Variants in KCND1 observed in about 807,000 individuals in gnomAD.
KCND1 encodes the protein potassium voltage-gated channel subfamily D member 1.
KCND1 carries 11 observed loss-of-function variants against 31.8 expected under a neutral mutation model. The observed-to-expected ratio is 0.35, with a 90% confidence interval of 0.22 to 0.57. KCND1 has a LOEUF of 0.57. KCND1 is among the 20% of genes least tolerant of loss of function. The pLI is 0.85. For missense variants in KCND1, 471 were observed against 596.8 expected, an observed-to-expected ratio of 0.79 and a Z score of 2.20; for synonymous variants, 234 against 248.1, an observed-to-expected ratio of 0.94 and a Z score of 0.53.
In KCND1 at chrX:48,966,152, C is replaced by T. The variant is rs879962772; in HGVS notation, c.1621G>A (p.Ala541Thr). 1.2e-5 allele frequency: 14 copies of T among 1,209,399 alleles called. No homozygotes were observed. The highest frequency in any genetic ancestry group is 5.3e-5 in the South Asian group (3 of 56,688). ...SCCPRRAKRR[A>T]IRLANSTASV... ...GCAGTGGAGTTGGCAAGGCGGATGGCGCGGCGCTTGGCCCTGCGAGGGCAG... is the reference window on the plus strand; with the variant it reads ...GCAGTGGAGTTGGCAAGGCGGATGGTGCGGCGCTTGGCCCTGCGAGGGCAG... The change falls in exon 5 of 6, where the codon GCC (alanine) becomes ACC (threonine). Residue 541 changes from alanine to threonine, a missense_variant. By Grantham distance (58) the Ala-to-Thr change is moderately conservative (BLOSUM62 0). Coordinates refer to ENST00000218176, the MANE Select transcript of KCND1 (RefSeq NM_004979.6).
chrX:48,966,002 G>C, intron 5 of KCND1, 53 bp downstream of exon 5: 1 of 1,173,002 alleles, frequency 8.5e-7, no homozygotes, highest in Middle Eastern at 2.8e-4. Context: ...AGAGCTACTG[G>C]TCTAAGCTCT....
chrX:48,966,606 T>A lies in KCND1; in HGVS notation c.1439A>T (p.His480Leu). 1 of 1,208,975 alleles carries A rather than the reference T, an allele frequency of 8.3e-7. No individual in the cohort carries two copies. Among genetic ancestry groups the A allele is most frequent in the Non-Finnish European group, 1.1e-6 (1 of 893,737 alleles). Residue 480 changes from histidine to leucine, a missense_variant, in exon 4 of 6, where the codon CAC (histidine) becomes CTC (leucine). Transcript: ENST00000218176. ...TGTCTTCTCTAGACAGTGCAGCAAG[T>A]GGTGATGTTGCTGTTCAAAGGCAGA... is the stretch of plus-strand genomic sequence containing the variant. ...NRSAFEQQHHHLLHCLEKTTC... is the reference protein window; with the variant it reads ...NRSAFEQQHHLLLHCLEKTTC...
In KCND1 at chrX:48,962,520, A is replaced by T; in HGVS notation, c.*61T>A. The T allele has an allele frequency of 8.7e-6, 8 of 917,500 alleles. No homozygotes were observed. The highest frequency in any genetic ancestry group is 1.2e-5 in the Non-Finnish European group (8 of 658,670). 75.6% of individuals were successfully genotyped at this position (917,500 alleles called of 1,213,427 possible). A position where few individuals can be genotyped will look rare whatever the true frequency, so the allele number is the denominator to read the frequency against. On this transcript the variant is annotated 3_prime_UTR_variant, in exon 6 of 6. Transcript: ENST00000218176. ...CTGCCCCTCTCTGCCTCCCAAAAATATGGCTTTGGAAAGGAGTTCCCAAAA... is the reference window on the plus strand; with the variant it reads ...CTGCCCCTCTCTGCCTCCCAAAAATTTGGCTTTGGAAAGGAGTTCCCAAAA...
rs782678444 is a variant in KCND1 at position 48,962,472 on chromosome X, G to C, written c.*109C>G. 302 of 510,006 alleles carry C rather than the reference G, an allele frequency of 5.9e-4. No homozygotes were observed. Among genetic ancestry groups the C allele is most frequent in the Non-Finnish European group, 6.6e-4 (199 of 301,782 alleles). The allele number at this position is 510,006 out of a possible 1,213,427, so 42.0% of individuals were successfully genotyped here. ...ACTCCATTGCATAGTTCTCAGTGGG[G>C]GGGGCAGAAGGGGTGCCCAAGCCTG... On this transcript the variant is annotated 3_prime_UTR_variant, in exon 6 of 6. Coordinates refer to ENST00000218176, the MANE Select transcript of KCND1 (RefSeq NM_004979.6).
rs1346292633 is a variant in KCND1 at position 48,961,442 on chromosome X, ATGGGGACAGTGC to A, written c.*1127_*1138del. 2.7e-5 allele frequency: 3 copies of A among 112,727 alleles called. No homozygotes were observed. Among genetic ancestry groups the A allele is most frequent in the Non-Finnish European group, 5.6e-5 (3 of 53,346 alleles). 9.3% of individuals were successfully genotyped at this position (112,727 alleles called of 1,213,427 possible). On this transcript the variant is annotated 3_prime_UTR_variant, in exon 6 of 6. Coordinates refer to ENST00000218176, the MANE Select transcript of KCND1 (RefSeq NM_004979.6). ...TACATCTTTGTCAGCCACCAGCTCC[ATGGGGACAGTGC>A]TGGGGACAGGGAACCTGAGATGATG... is the stretch of plus-strand genomic sequence containing the variant.
intron 5 of KCND1, among the ~76,000 whole-genome samples, chrX:48,964,991 C>A (rs1176950942): frequency 1.3e-4 from 12 of 89,061 alleles, no homozygotes; most frequent in Non-Finnish European, 2.6e-4. Flanking sequence ...CACTGCACTG[C>A]AGCCTAGCAA....
chrX:48,961,422 C>A lies in KCND1; in HGVS notation c.*1159G>T, dbSNP rs2064318888. 1.8e-5 allele frequency: 2 copies of A among 112,523 alleles called. No homozygotes were observed. The highest frequency in any genetic ancestry group is 7.3e-4 in the South Asian group (2 of 2,750). 9.3% of individuals were successfully genotyped at this position (112,523 alleles called of 1,213,427 possible). On this transcript the variant is annotated 3_prime_UTR_variant, in exon 6 of 6. Transcript: ENST00000218176. Reference sequence around the variant, plus strand: ...TTTTATTGACTGATGGAAACTACATCTTTGTCAGCCACCAGCTCCATGGGG... The same window carrying A: ...TTTTATTGACTGATGGAAACTACATATTTGTCAGCCACCAGCTCCATGGGG...
Position 48,970,053 on chromosome X carries a change from G to A in KCND1, c.219C>T (p.Phe73=). 8.3e-7 allele frequency: 1 copy of A among 1,210,851 alleles called. No individual in the cohort carries two copies. The change falls in exon 1 of 6, where the codon TTC becomes TTT. Residue 73 remains phenylalanine (F), a synonymous_variant. Coordinates refer to ENST00000218176, the MANE Select transcript of KCND1 (RefSeq NM_004979.6). ...DTLLGSSEKE[F]FYDADSGEYF... ...ACTCGCCTGAGTCAGCATCGTAGAAGAATTCCTTCTCCGAGCTGCCCAGCA... is the reference window on the plus strand; with the variant it reads ...ACTCGCCTGAGTCAGCATCGTAGAAAAATTCCTTCTCCGAGCTGCCCAGCA...
Position 48,962,715 on chromosome X carries a change from G to A in KCND1, c.1810C>T (p.Pro604Ser). ...CTCTCATCTGGGGTGTTGGCAGGAG[G>A]GGTAGGGATGCTGATAATGGCAGCC... ...FVAAIISIPT[P>S]PANTPDESQP... Residue 604 changes from proline (P) to serine (S), a missense_variant, in exon 6 of 6, where the codon CCT becomes TCT. Around this residue, in one of 3 missense-constraint regions of KCND1, gnomAD observed 185 missense variants for 184.7 expected, o/e 1.00. Coordinates refer to ENST00000218176, the MANE Select transcript of KCND1 (RefSeq NM_004979.6). The A allele has an allele frequency of 8.3e-7, 1 of 1,210,797 alleles. No homozygotes were observed. The highest frequency in any genetic ancestry group is 1.1e-6 in the Non-Finnish European group (1 of 894,888).
Position 48,969,547 on chromosome X carries a change from AAT to A in KCND1, c.723_724del (p.Phe242HisfsTer3). ...CAGCCGCAGGAGGTATTCACCTGTG[AAT>A]ATGAGTACACAGGCTGTGTCCATGC... On this transcript the variant is annotated frameshift_variant, in exon 1 of 6. Transcript: ENST00000218176. LOFTEE classifies it high-confidence loss of function. 3.3e-6 allele frequency: 4 copies of A among 1,210,839 alleles called. No individual in the cohort carries two copies. The highest frequency in any genetic ancestry group is 4.5e-6 in the Non-Finnish European group (4 of 894,932).
chrX:48,967,652 T>C (rs1268960111), intron 1 of KCND1: 2 of 110,463 alleles, frequency 1.8e-5, no homozygotes, highest in African/African-American at 6.8e-5. Context: ...CTTACTAACT[T>C]GTTCACAGAG....
At position 48,966,675 on chromosome X, in the gene KCND1, T is replaced by C; in HGVS notation, c.1370A>G (p.Asp457Gly). ...AGCCTGTTCCTCGCCACTGCCGCTG[T>C]CCTGGAGTAGATGGAGCAGAGCGAT... ...LQYKQNGGLEDSGSGEEQALC... is the reference protein window; with the variant it reads ...LQYKQNGGLEGSGSGEEQALC... Residue 457 changes from aspartate to glycine, a missense_variant and splice_region_variant, in exon 4 of 6, where the codon GAC becomes GGC. Transcript: ENST00000218176. 1.7e-6 allele frequency: 2 copies of C among 1,209,274 alleles called. No individual in the cohort carries two copies. The highest frequency in any genetic ancestry group is 2.2e-6 in the Non-Finnish European group (2 of 894,060).
intron 5 of KCND1, among the ~76,000 whole-genome samples, chrX:48,963,138 CA>C (rs1318796444): frequency 2.1e-3 from 100 of 48,095 alleles, no homozygotes; most frequent in Non-Finnish European, 2.1e-3. Context: ...TCTGTCTCAA[CA>C]AAAAAAAAAA....
intron 5 of KCND1, among the ~76,000 whole-genome samples, chrX:48,964,471 G>A (rs1307353404): frequency 4.6e-5 from 5 of 109,597 alleles, no homozygotes; most frequent in Non-Finnish European, 7.6e-5. Context: ...AGCCAAGATC[G>A]CGCCACCGCA....
chrX:48,961,711 C>T lies in KCND1; in HGVS notation c.*870G>A, dbSNP rs1413037680. 1.8e-5 allele frequency: 2 copies of T among 112,108 alleles called. No homozygotes were observed. Among genetic ancestry groups the T allele is most frequent in the African/African-American group, 6.5e-5 (2 of 30,707 alleles). The allele number at this position is 112,108 out of a possible 1,213,427, so 9.2% of individuals were successfully genotyped here. On this transcript the variant is annotated 3_prime_UTR_variant, in exon 6 of 6. Transcript: ENST00000218176. ...ATACAGCCCAGCTCTTGCTGGTTGC[C>T]AGGCTCTTATCTCAGCCAGTCCAGA...
In KCND1 at chrX:48,966,225, G is replaced by A; in HGVS notation, c.1548C>T (p.Thr516=). The part of the protein sequence containing the change: ...VSPGGRTSRS[T]SVSSQPVGPG... ...GTCCCACTGGCTGGGAAGACACAGA[G>A]GTGCTACGGCTGGTGCGGCCACCCG... The change falls in exon 5 of 6, where the codon ACC becomes ACT. Residue 516 remains threonine (T), a synonymous_variant. Coordinates refer to ENST00000218176, the MANE Select transcript of KCND1 (RefSeq NM_004979.6). 2.5e-6 allele frequency: 3 copies of A among 1,206,926 alleles called. No individual in the cohort carries two copies. Among genetic ancestry groups the A allele is most frequent in the Non-Finnish European group, 3.4e-6 (3 of 893,740 alleles).
rs986710140 is a variant in KCND1 at position 48,962,384 on chromosome X, C to T, written c.*197G>A. 3 of 421,556 alleles carry T rather than the reference C, an allele frequency of 7.1e-6. No individual in the cohort carries two copies. The highest frequency in any genetic ancestry group is 6.6e-4 in the Middle Eastern group (1 of 1,510). 34.7% of individuals were successfully genotyped at this position (421,556 alleles called of 1,213,427 possible). ...CTTCAGCTCCCACCAGGAAAAATGT[C>T]TGGGGTGGGAGGAAGTTTCTCATTT... On this transcript the variant is annotated 3_prime_UTR_variant, in exon 6 of 6. Transcript: ENST00000218176.
chrX:48,964,386 G>A (rs1477798497), intron 5 of KCND1, among the ~76,000 whole-genome samples: 18 of 110,618 alleles, frequency 1.6e-4, no homozygotes, highest in Admixed American at 3.8e-4. Flanking sequence ...GCGTGGTGGC[G>A]CGCACCTGTA....
rs782154287 is a variant in KCND1, at chrX:48,970,185, C to T, written c.87G>A (p.Pro29=). The change falls in exon 1 of 6, where the codon CCG becomes CCA. Residue 29 remains proline, a synonymous_variant. Transcript: ENST00000218176. ...CTCGAGATGCCTTCACCCCCGGTGC[C>T]GGGGGCAGGGGTTGCTGGGCCAGGG... ...WLPLAQQPLP[P]APGVKASRGD... is the part of the protein sequence containing the mutation. 4.1e-5 allele frequency: 50 copies of T among 1,207,876 alleles called. 1 individual carries two copies. The South Asian group carries it at 5.1e-4, about 12-fold the overall frequency.
Sources: gnomAD v4.1 joint callset for allele counts (sites outside exome capture counted in the v4.1 genomes callset) on GRCh38, gnomAD v4.1.1 for gene constraint, gnomAD v4.1.1 regional missense constraint, MANE v1.5 for transcripts, NCBI Gene and HGNC (gene_info 2026-07-23, HGNC 2026-07-21) for gene names.